Variants in PTPRM observed in about 807,000 individuals in gnomAD.
PTPRM encodes receptor-type tyrosine-protein phosphatase mu.
PTPRM carries 47 observed loss-of-function variants against 186.7 expected under a neutral mutation model. The observed-to-expected ratio is 0.25, with a 90% CI of 0.20 to 0.32. The LOEUF is 0.32. Ranked by LOEUF, PTPRM falls within the 10% of genes least tolerant of loss-of-function variation. The pLI, the probability that PTPRM is intolerant of heterozygous loss-of-function variation, is 1.00. For missense variants in PTPRM, 1,494 were observed against 1,865.0 expected (o/e 0.80, Z 3.66); for synonymous variants, 668 against 674.9 (o/e 0.99, Z 0.16).
At chr18:7,906,667 G>A in intron 4 of PTPRM, 84 bp downstream of exon 4, 1 of 1,122,050 alleles carries the variant, frequency 8.9e-7, no homozygotes, top group Non-Finnish European at 1.4e-6. Context: ...ATGAAAACCT[G>A]TGAAGAGGTC....
chr18:7,828,129 A>G (rs975343877), intron 2 of PTPRM, among the ~76,000 whole-genome samples: 6 of 152,246 alleles, frequency 3.9e-5, no homozygotes, highest in African/African-American at 1.4e-4. Flanking sequence ...CTATCTCATA[A>G]TTAGTAAAGT....
chr18:8,242,362 GTGAAGAGAAAATGTATTAT>G (rs2094441038), intron 14 of PTPRM, among the ~76,000 whole-genome samples: 1 of 152,224 alleles, frequency 6.6e-6, no homozygotes, highest in Non-Finnish European at 1.5e-5. Context: ...AGATTCAGAA[GTGAAGAGAAAATGTATTAT>G]TGTAAGTGCA....
chr18:7,842,518 A>G (rs2046374311), intron 2 of PTPRM, among the ~76,000 whole-genome samples: 1 of 152,172 alleles, frequency 6.6e-6, no homozygotes, highest in Non-Finnish European at 1.5e-5. Flanking sequence ...GAGATTAACC[A>G]TTTAAATCAG....
intron 1 of PTPRM, among the ~76,000 whole-genome samples, chr18:7,680,678 G>A (rs1388750047): frequency 2.0e-5 from 3 of 150,904 alleles, no homozygotes; most frequent in Non-Finnish European, 2.9e-5. Flanking sequence ...CATTTTGCTC[G>A]GATAGGGAAA....
chr18:8,284,065 C>T (rs546526585), intron 19 of PTPRM, among the ~76,000 whole-genome samples: 9 of 152,202 alleles, frequency 5.9e-5, no homozygotes, highest in African/African-American at 2.2e-4. Flanking sequence ...CAGGAATTTT[C>T]TTTGCTGAAA....
chr18:7,944,182 T>C (rs1599654333), intron 5 of PTPRM, among the ~76,000 whole-genome samples: 3 of 152,304 alleles, frequency 2.0e-5, no homozygotes, highest in Admixed American at 1.3e-4. Context: ...CCAGTATTTC[T>C]TGAGTTCTAT....
intron 5 of PTPRM, among the ~76,000 whole-genome samples, chr18:7,937,363 C>G (rs2051882500): frequency 6.6e-6 from 1 of 152,180 alleles, no homozygotes; most frequent in South Asian, 2.1e-4. Context: ...CCATTGCCAG[C>G]CTTGGAAGCT....
At chr18:7,892,776 T>G (rs186359148) in intron 3 of PTPRM, among the ~76,000 whole-genome samples, 2 of 152,332 alleles carry the variant, frequency 1.3e-5, no homozygotes, top group Admixed American at 1.3e-4. Context: ...CCGATTCTGG[T>G]GAAAGTTCTC....
At chr18:8,129,480 A>G (rs1373087727) in intron 13 of PTPRM, among the ~76,000 whole-genome samples, 2 of 151,852 alleles carry the variant, frequency 1.3e-5, no homozygotes, top group South Asian at 4.2e-4. Flanking sequence ...ACTACAATTT[A>G]AAGTATAAGG....
At chr18:8,278,411 G>A (rs572879794) in intron 19 of PTPRM, among the ~76,000 whole-genome samples, 29 of 152,278 alleles carry the variant, frequency 1.9e-4, no homozygotes, top group Middle Eastern at 6.8e-3. Context: ...ATACACTGCC[G>A]TACTTTCCTA....
In PTPRM at chr18:8,011,204, A is replaced by T. The variant is rs117964479; in HGVS notation, c.1132+55790A>T. On this transcript the variant is annotated intron_variant, in intron 7 of 32. Coordinates refer to ENST00000580170, the MANE Select transcript of PTPRM (RefSeq NM_001105244.2). ...GTTGAAATTATACAAGGACAGATAG[A>T]AGAGAGTAGATAAGGTATACTCAGG... Among the ~76,000 whole-genome samples, 1,468 of 152,316 alleles carry T rather than the reference A, an allele frequency of 9.6e-3. 7 individuals are homozygous for T. The highest frequency in any genetic ancestry group is 0.034 in the South Asian group (162 of 4,822).
chr18:7,851,764 C>T (rs1191554590), intron 2 of PTPRM, among the ~76,000 whole-genome samples: 5 of 151,868 alleles, frequency 3.3e-5, no homozygotes, highest in Admixed American at 6.6e-5. Flanking sequence ...GAATAAGGAG[C>T]GGTGGCAAGG....
At chr18:8,166,106 A>G (rs2093319891) in intron 14 of PTPRM, among the ~76,000 whole-genome samples, 1 of 152,190 alleles carries the variant, frequency 6.6e-6, no homozygotes, top group Non-Finnish European at 1.5e-5. Context: ...GCACATGATA[A>G]ATGTTTATTG....
intron 1 of PTPRM, among the ~76,000 whole-genome samples, chr18:7,604,837 C>T (rs1479134147): frequency 5.9e-5 from 9 of 152,094 alleles, no homozygotes; most frequent in Admixed American, 2.6e-4. Flanking sequence ...GCTGGTGTCC[C>T]TATTTCTTCT....
At chr18:8,170,513 C>G (rs1285077332) in intron 14 of PTPRM, among the ~76,000 whole-genome samples, 2 of 146,842 alleles carry the variant, frequency 1.4e-5, no homozygotes, top group African/African-American at 2.5e-5. Flanking sequence ...AAAAAAAAAG[C>G]ATCCCTAAAT....
At chr18:7,906,430 G>A (rs2049986919) in intron 3 of PTPRM, 75 bp from the exon 4 acceptor site, 2 of 1,113,836 alleles carry the variant, frequency 1.8e-6, no homozygotes, top group Admixed American at 1.8e-5. Context: ...GAAATTATGT[G>A]TCTTATATAT....
intron 1 of PTPRM, among the ~76,000 whole-genome samples, chr18:7,595,529 T>G (rs2037234482): frequency 6.6e-6 from 1 of 152,206 alleles, no homozygotes; most frequent in Non-Finnish European, 1.5e-5. Flanking sequence ...GAAGGTTGTT[T>G]GGTAACATTG....
intron 7 of PTPRM, among the ~76,000 whole-genome samples, chr18:8,063,584 C>G (rs1043012803): frequency 2.0e-5 from 3 of 152,088 alleles, no homozygotes; most frequent in African/African-American, 7.2e-5. Context: ...TGGAAGGTAT[C>G]AACAGTAAAT....
chr18:7,782,572 A>G (rs780187324), intron 2 of PTPRM, among the ~76,000 whole-genome samples: 114 of 152,092 alleles, frequency 7.5e-4, no homozygotes, highest in Non-Finnish European at 1.0e-3. Flanking sequence ...GAAACTCTGT[A>G]CCTATTAAAC....
Sources: gnomAD v4.1 joint callset for allele counts (sites outside exome capture counted in the v4.1 genomes callset) on GRCh38, gnomAD v4.1.1 for gene constraint, MANE v1.5 for transcripts, NCBI Gene and HGNC (gene_info 2026-07-23, HGNC 2026-07-21) for gene names.